The following DPYSL5 variants were observed in gnomAD, a reference collection of about 807,000 sequenced individuals.
DPYSL5 encodes dihydropyrimidinase-related protein 5.
DPYSL5 carries 9 observed loss-of-function variants against 58.4 expected under a neutral mutation model. The observed-to-expected ratio is 0.15, with a 90% CI of 0.09 to 0.27. DPYSL5 has a LOEUF of 0.27. Among genes scored for constraint, DPYSL5 ranks in the 10% least tolerant of loss-of-function variants. The pLI, the probability that DPYSL5 is intolerant of heterozygous loss-of-function variation, is 1.00. For missense variants in DPYSL5, 499 were observed against 770.6 expected, an observed-to-expected ratio of 0.65 and a Z score of 4.17; for synonymous variants, 293 against 301.9, an observed-to-expected ratio of 0.97 and a Z score of 0.31.
chr2:26,919,104 C>T (rs905691717), intron 2 of DPYSL5, among the ~76,000 whole-genome samples: 8 of 152,180 alleles, frequency 5.3e-5, no homozygotes, highest in African/African-American at 1.4e-4. Flanking sequence ...ACGCATTGTT[C>T]TCTCCAATGC....
chr2:26,911,914 AAAG>A (rs1664449548), intron 2 of DPYSL5, among the ~76,000 whole-genome samples: 1 of 152,224 alleles, frequency 6.6e-6, no homozygotes. Context: ...AGTGGCCATC[AAAG>A]AATATATTTT....
At chr2:26,884,948 C>T (rs1321050844) in intron 1 of DPYSL5, among the ~76,000 whole-genome samples, 2 of 152,148 alleles carry the variant, frequency 1.3e-5, no homozygotes, top group Non-Finnish European at 2.9e-5. Flanking sequence ...CCTGTAATCC[C>T]AGCACTTTGG....
intron 2 of DPYSL5, among the ~76,000 whole-genome samples, chr2:26,914,500 A>T (rs1664516129): frequency 1.3e-5 from 2 of 152,166 alleles, no homozygotes; most frequent in African/African-American, 4.8e-5. Context: ...TTGTGACAGA[A>T]GGGAAGGAGG....
At chr2:26,851,216 T>C (rs1244595186) in intron 1 of DPYSL5, among the ~76,000 whole-genome samples, 2 of 134,724 alleles carry the variant, frequency 1.5e-5, no homozygotes, top group Non-Finnish European at 3.2e-5. Flanking sequence ...TTCTTTTTTG[T>C]AATAATTTTA....
intron 2 of DPYSL5, among the ~76,000 whole-genome samples, chr2:26,900,519 C>G (rs1664132177): frequency 6.6e-6 from 1 of 152,206 alleles, no homozygotes; most frequent in African/African-American, 2.4e-5. Flanking sequence ...GAGGCTATTA[C>G]AAACATTGTC....
In DPYSL5 at chr2:26,862,629, C is replaced by T. The variant is rs1006631178; in HGVS notation, c.-5+14375C>T. Among the ~76,000 whole-genome samples, 9 of 152,208 alleles carry T rather than the reference C, an allele frequency of 5.9e-5. No homozygotes were observed. The East Asian group carries it at 1.7e-3, about 29-fold the overall frequency. ...TGGGTCTGCACTCTTCCTTCCCCCTCCCCATCCCTACCTGCTCCCTGGCTT... is the reference window on the plus strand; with the variant it reads ...TGGGTCTGCACTCTTCCTTCCCCCTTCCCATCCCTACCTGCTCCCTGGCTT... On this transcript the variant is annotated intron_variant, in intron 1 of 12. Coordinates refer to ENST00000288699, the MANE Select transcript of DPYSL5 (RefSeq NM_020134.4).
At chr2:26,938,461 C>T (rs1665237859) in intron 8 of DPYSL5, 1 of 152,246 alleles carries the variant, frequency 6.6e-6, no homozygotes, top group Non-Finnish European at 1.5e-5. Context: ...GCGGGAGAAT[C>T]TCTTGCAAAG....
rs1665037524 is a variant in DPYSL5, at chr2:26,932,185, A to AAGAAAGAAAGAAAGAAAGAAAGAC, written c.714+524_714+525insCAGAAAGAAAGAAAGAAAGAAAGA. 2.1e-3 allele frequency among the ~76,000 whole-genome samples: 145 copies of AAGAAAGAAAGAAAGAAAGAAAGAC among 70,358 alleles called. 3 individuals are homozygous for AAGAAAGAAAGAAAGAAAGAAAGAC. The highest frequency in any genetic ancestry group is 0.014 in the Middle Eastern group (2 of 148). The allele number at this position is 70,358 out of a possible 152,430, so 46.2% of individuals were successfully genotyped here. On this transcript the variant is annotated intron_variant, in intron 6 of 12. Coordinates refer to ENST00000288699, the MANE Select transcript of DPYSL5 (RefSeq NM_020134.4). ...AAAGAAAGAAAGAAAGAAAGAAAGA[A>AAGAAAGAAAGAAAGAAAGAAAGAC]AGAAAGAAAGAAAGAAAGAAAGAAA...
At chr2:26,908,535 A>G (rs975271806) in intron 2 of DPYSL5, among the ~76,000 whole-genome samples, 28 of 152,232 alleles carry the variant, frequency 1.8e-4, no homozygotes, top group African/African-American at 6.3e-4. Context: ...AACTGATGTG[A>G]ATGAGGAGAT....
chr2:26,876,939 G>A (rs922299447), intron 1 of DPYSL5, among the ~76,000 whole-genome samples: 6 of 149,078 alleles, frequency 4.0e-5, no homozygotes, highest in Non-Finnish European at 7.4e-5. Flanking sequence ...ATTCACCAGT[G>A]CTGTTACTGA....
chr2:26,927,116 A>T lies in DPYSL5; in HGVS notation c.421-137A>T, dbSNP rs1243932560. ...GCCTGTGGGGTGGGAGGAAAGTGAGATAGAGAGGTGTGGGGGGTCAACCGA... is the reference window on the plus strand; with the variant it reads ...GCCTGTGGGGTGGGAGGAAAGTGAGTTAGAGAGGTGTGGGGGGTCAACCGA... On this transcript the variant is annotated intron_variant, in intron 3 of 12. Coordinates refer to ENST00000288699, the MANE Select transcript of DPYSL5 (RefSeq NM_020134.4). This position sits in a 1 kb window ranked among gnomAD's most constrained non-coding sequence, Gnocchi z 4.3. The T allele has an allele frequency of 1.2e-6, 1 of 833,152 alleles. No homozygotes were observed. 51.6% of individuals were successfully genotyped at this position (833,152 alleles called of 1,614,324 possible). A position where few individuals can be genotyped will look rare whatever the true frequency, so the allele number is the denominator to read the frequency against.
chr2:26,944,619 T>C lies in DPYSL5; in HGVS notation c.1441-37T>C. On this transcript the variant is annotated intron_variant, in intron 11 of 12. Transcript: ENST00000288699. This position sits in a 1 kb window ranked among gnomAD's most constrained non-coding sequence, Gnocchi z 4.4. ...TTGTATCACTCAGCTCTGATGGTGT[T>C]GTCCTGTTCTTCTGCTCTTCTTCCA... is the stretch of plus-strand genomic sequence containing the variant. 1 of 1,604,702 alleles carries C rather than the reference T, an allele frequency of 6.2e-7. No individual in the cohort carries two copies. The highest frequency in any genetic ancestry group is 8.5e-7 in the Non-Finnish European group (1 of 1,174,592).
At chr2:26,910,383 G>C (rs1664402848) in intron 2 of DPYSL5, among the ~76,000 whole-genome samples, 1 of 152,026 alleles carries the variant, frequency 6.6e-6, no homozygotes, top group Admixed American at 6.6e-5. Flanking sequence ...ACCACTTGTT[G>C]TGGTCAGTCT....
chr2:26,948,771 AG>A lies in DPYSL5; in HGVS notation c.*1777del, dbSNP rs1665554869. 1 of 152,336 alleles carries A rather than the reference AG, an allele frequency of 6.6e-6. No homozygotes were observed. Among genetic ancestry groups the A allele is most frequent in the Admixed American group, 6.5e-5 (1 of 15,278 alleles). 9.4% of individuals were successfully genotyped at this position (152,336 alleles called of 1,614,324 possible). ...ACTGAGGAGGCTGAGGCAGGAGAAT[AG>A]CGTGAACCCGGGAGGCGGAGCTTGC... On this transcript the variant is annotated 3_prime_UTR_variant, in exon 13 of 13. Transcript: ENST00000288699.
intron 6 of DPYSL5, 92 bp downstream of exon 6, chr2:26,931,776 G>A: frequency 4.4e-6 from 6 of 1,366,506 alleles, no homozygotes; most frequent in South Asian, 1.2e-5. Flanking sequence ...GGGAGGCCGA[G>A]GTGCGTGGAT....
chr2:26,848,427 G>C (rs1665652995), intron 1 of DPYSL5, 173 bp downstream of exon 1: 1 of 152,412 alleles, frequency 6.6e-6, no homozygotes, highest in Non-Finnish European at 1.5e-5. Flanking sequence ...GGTGGCCATC[G>C]GGGCTAAGCC....
At chr2:26,935,275 C>A (rs1424697658) in intron 8 of DPYSL5, among the ~76,000 whole-genome samples, 1 of 152,162 alleles carries the variant, frequency 6.6e-6, no homozygotes, top group Non-Finnish European at 1.5e-5. Context: ...GCTTTTTCCC[C>A]ATGCAATCCC....
At chr2:26,881,063 T>C (rs988701765) in intron 1 of DPYSL5, among the ~76,000 whole-genome samples, 4 of 152,180 alleles carry the variant, frequency 2.6e-5, no homozygotes, top group African/African-American at 9.7e-5. Context: ...GTGGTGCTGA[T>C]GGTGTTGACA....
At chr2:26,886,231 C>CT (rs1017518870) in intron 1 of DPYSL5, among the ~76,000 whole-genome samples, 2 of 152,144 alleles carry the variant, frequency 1.3e-5, no homozygotes, top group Non-Finnish European at 2.9e-5. Flanking sequence ...GTGACCTTTT[C>CT]TTTTTTGCTT....
Sources: gnomAD v4.1 joint callset for allele counts (sites outside exome capture counted in the v4.1 genomes callset) on GRCh38, gnomAD v4.1.1 for gene constraint, Gnocchi (gnomAD v3.1) non-coding constraint, MANE v1.5 for transcripts, NCBI Gene and HGNC (gene_info 2026-07-23, HGNC 2026-07-21) for gene names.